TNFAIP8L1: variants seen among roughly 807,000 people sequenced by gnomAD.
The protein encoded by TNFAIP8L1 is TNF alpha induced protein 8 like 1.
For synonymous variants in TNFAIP8L1, 127 were observed against 125.6 expected, an observed-to-expected ratio of 1.01 and a Z score of -0.08; for missense variants, 225 against 266.1, an observed-to-expected ratio of 0.85 and a Z score of 1.08.
intron 1 of TNFAIP8L1, among the ~76,000 whole-genome samples, chr19:4,651,188 G>A (rs980245711): frequency 2.6e-5 from 4 of 151,676 alleles, no homozygotes; most frequent in Admixed American, 1.3e-4. Context: ...GGATGGAACG[G>A]AACCCCCTGT....
chr19:4,650,158 G>A (rs1355743299), intron 1 of TNFAIP8L1, among the ~76,000 whole-genome samples: 2 of 152,212 alleles, frequency 1.3e-5, no homozygotes, highest in Admixed American at 1.3e-4. Context: ...TGTGGCCTGG[G>A]GTGAGGCAGA....
intron 1 of TNFAIP8L1, among the ~76,000 whole-genome samples, chr19:4,643,005 A>T (rs1482598443): frequency 6.6e-6 from 1 of 151,972 alleles, no homozygotes. Flanking sequence ...GCGTTAGGCC[A>T]GGCAGGGTGG....
rs554697242 is a variant in TNFAIP8L1, at chr19:4,652,310, C to T, written c.441C>T (p.Phe147=). Residue 147 remains phenylalanine (F), a synonymous_variant, in exon 2 of 2, where the codon TTC becomes TTT. Coordinates refer to ENST00000327473, the MANE Select transcript of TNFAIP8L1 (RefSeq NM_152362.3). ...CCCACGGCCGCATCAACCACGTGTT[C>T]GGCCACCTAGCCGACTGCGACTTCC... ...AKSHGRINHV[F]GHLADCDFLA... is the part of the protein sequence containing the mutation. 85 of 1,560,848 alleles carry T rather than the reference C, an allele frequency of 5.4e-5. No individual in the cohort carries two copies. The East Asian group carries it at 1.6e-3, about 29-fold the overall frequency.
rs914455511 is a variant in TNFAIP8L1 at position 4,652,595 on chromosome 19, T to C, written c.*165T>C. 4 of 665,526 alleles carry C rather than the reference T, an allele frequency of 6.0e-6. No individual in the cohort carries two copies. Among genetic ancestry groups the C allele is most frequent in the Non-Finnish European group, 9.7e-6 (4 of 411,002 alleles). The allele number at this position is 665,526 out of a possible 1,614,324, so 41.2% of individuals were successfully genotyped here. A position where few individuals can be genotyped will look rare whatever the true frequency, so the allele number is the denominator to read the frequency against. ...TCTCCTTTGAGAGGATGCTGAGGCATCTGTAGCAGCTGTTTCAAACACCAA... is the reference window on the plus strand; with the variant it reads ...TCTCCTTTGAGAGGATGCTGAGGCACCTGTAGCAGCTGTTTCAAACACCAA... On this transcript the variant is annotated 3_prime_UTR_variant, in exon 2 of 2. Coordinates refer to ENST00000327473, the MANE Select transcript of TNFAIP8L1 (RefSeq NM_152362.3).
chr19:4,651,292 G>A (rs2088362138), intron 1 of TNFAIP8L1, among the ~76,000 whole-genome samples: 1 of 151,898 alleles, frequency 6.6e-6, no homozygotes, highest in African/African-American at 2.4e-5. Context: ...GTTCAGAAGG[G>A]CCTTCTCTGT....
In TNFAIP8L1 at chr19:4,645,496, C is replaced by T. The variant is rs1446806090; in HGVS notation, c.-4+5867C>T. Among the ~76,000 whole-genome samples the T allele has an allele frequency of 2.0e-5, 3 of 152,190 alleles. No individual in the cohort carries two copies. Among genetic ancestry groups the T allele is most frequent in the East Asian group, 3.9e-4 (2 of 5,168 alleles). On this transcript the variant is annotated intron_variant, in intron 1 of 1. Transcript: ENST00000327473. The surrounding 1 kb of genome is among the most constrained non-coding windows in gnomAD (Gnocchi z 4.1). ...GAGGCTGAGGCTGAGGCAGGAGAAT[C>T]GCTTGAATCCGGGAGGCAGAGGTTG...
Position 4,643,704 on chromosome 19 carries a change from G to A in TNFAIP8L1, c.-4+4075G>A, listed in dbSNP as rs1285608818. On this transcript the variant is annotated intron_variant, in intron 1 of 1. Transcript: ENST00000327473. ...TGTAATCCTAGCATTCTGGGAGGCCGAAGCAGGAGGATCGCTTGAGCCCAG... is the reference window on the plus strand; with the variant it reads ...TGTAATCCTAGCATTCTGGGAGGCCAAAGCAGGAGGATCGCTTGAGCCCAG... Among the ~76,000 whole-genome samples the A allele has an allele frequency of 3.9e-5, 6 of 152,174 alleles. No individual in the cohort carries two copies. In the East Asian group the frequency reaches 5.8e-4, roughly 15 times the overall value.
chr19:4,646,149 G>T (rs989593084), intron 1 of TNFAIP8L1, among the ~76,000 whole-genome samples: 1 of 152,056 alleles, frequency 6.6e-6, no homozygotes, highest in Non-Finnish European at 1.5e-5. Flanking sequence ...TCCAGCAGGG[G>T]AACAGTTTTT....
At chr19:4,647,968 A>ATT (rs2088328001) in intron 1 of TNFAIP8L1, among the ~76,000 whole-genome samples, 1 of 152,066 alleles carries the variant, frequency 6.6e-6, no homozygotes, top group African/African-American at 2.4e-5. Flanking sequence ...GGGTCTAGAA[A>ATT]GCCAGGGCCT....
intron 1 of TNFAIP8L1, chr19:4,640,816 C>G (rs1180812752): frequency 6.6e-6 from 1 of 152,416 alleles, no homozygotes; most frequent in Non-Finnish European, 1.5e-5. Flanking sequence ...TGAAACATAA[C>G]AAGCTCCCTG....
chr19:4,652,229 G>T lies in TNFAIP8L1; in HGVS notation c.360G>T (p.Leu120=). 1.3e-6 allele frequency: 2 copies of T among 1,547,988 alleles called. No individual in the cohort carries two copies. The highest frequency in any genetic ancestry group is 8.7e-7 in the Non-Finnish European group (1 of 1,149,718). The change falls in exon 2 of 2, where the codon CTG becomes CTT. Residue 120 remains leucine, a synonymous_variant. Coordinates refer to ENST00000327473, the MANE Select transcript of TNFAIP8L1 (RefSeq NM_152362.3). ...TFDRRVLAAG[L]LECRDLLHQA... is the part of the protein sequence containing the mutation. ...ACCGGCGCGTGCTGGCCGCCGGGCT[G>T]CTCGAGTGCCGCGACCTGCTGCACC...
chr19:4,650,635 G>A (rs1233175139), intron 1 of TNFAIP8L1, among the ~76,000 whole-genome samples: 4 of 151,992 alleles, frequency 2.6e-5, no homozygotes, highest in East Asian at 1.9e-4. Context: ...CTTATGCCTC[G>A]AGAGCTGGCC....
In TNFAIP8L1 at chr19:4,641,928, C is replaced by T. The variant is rs770731287; in HGVS notation, c.-4+2299C>T. 6.6e-6 allele frequency: 1 copy of T among 152,230 alleles called. No homozygotes were observed. Among genetic ancestry groups the T allele is most frequent in the Non-Finnish European group, 1.5e-5 (1 of 68,058 alleles). The allele number at this position is 152,230 out of a possible 1,614,324, so 9.4% of individuals were successfully genotyped here. A position where few individuals can be genotyped will look rare whatever the true frequency, so the allele number is the denominator to read the frequency against. ...GGCAAGCTCCTGACCCTCTGTGACTCAGTTTCCTTATAACCAAAAACTTGC... is the reference window on the plus strand; with the variant it reads ...GGCAAGCTCCTGACCCTCTGTGACTTAGTTTCCTTATAACCAAAAACTTGC... On this transcript the variant is annotated intron_variant, in intron 1 of 1. Coordinates refer to ENST00000327473, the MANE Select transcript of TNFAIP8L1 (RefSeq NM_152362.3). The surrounding 1 kb of genome is among the most constrained non-coding windows in gnomAD (Gnocchi z 4.6).
In TNFAIP8L1 at chr19:4,652,203, G is replaced by C. The variant is rs1414055022; in HGVS notation, c.334G>C (p.Asp112His). ...VSFHQVDFTF[D>H]RRVLAAGLLE... ...CTTCCACCAGGTGGACTTCACCTTC[G>C]ACCGGCGCGTGCTGGCCGCCGGGCT... The change falls in exon 2 of 2, where the codon GAC becomes CAC. Residue 112 changes from aspartate (D) to histidine (H), a missense_variant. Transcript: ENST00000327473. 9.1e-6 allele frequency: 14 copies of C among 1,544,160 alleles called. No homozygotes were observed. Among genetic ancestry groups the C allele is most frequent in the Non-Finnish European group, 1.0e-5 (12 of 1,146,826 alleles).
At chr19:4,648,598 C>T (rs1481402551) in intron 1 of TNFAIP8L1, among the ~76,000 whole-genome samples, 1 of 152,218 alleles carries the variant, frequency 6.6e-6, no homozygotes, top group East Asian at 1.9e-4. Flanking sequence ...GTTGGCCTTG[C>T]AGGGGGCGGG....
intron 1 of TNFAIP8L1, among the ~76,000 whole-genome samples, chr19:4,650,963 G>A (rs1431094428): frequency 2.6e-5 from 4 of 152,038 alleles, no homozygotes; most frequent in South Asian, 2.1e-4. Context: ...CAGCCTGGGC[G>A]ACAGAGGGAG....
intron 1 of TNFAIP8L1, among the ~76,000 whole-genome samples, chr19:4,650,227 G>A (rs773253153): frequency 2.0e-5 from 3 of 152,074 alleles, no homozygotes; most frequent in Non-Finnish European, 4.4e-5. Context: ...GGGAACCTGC[G>A]GCTCAGAGGA....
chr19:4,652,339 C>T lies in TNFAIP8L1; in HGVS notation c.470C>T (p.Ala157Val). 2 of 1,553,218 alleles carry T rather than the reference C, an allele frequency of 1.3e-6. No homozygotes were observed. Among genetic ancestry groups the T allele is most frequent in the Non-Finnish European group, 1.7e-6 (2 of 1,151,022 alleles). Residue 157 changes from alanine (A) to valine (V), a missense_variant, in exon 2 of 2, where the codon GCT becomes GTT. Transcript: ENST00000327473. ...FGHLADCDFL[A>V]ALYGPAEPYR... Reference sequence around the variant, plus strand: ...CACCTAGCCGACTGCGACTTCCTGGCTGCGCTCTACGGCCCCGCCGAGCCC... The same window carrying T: ...CACCTAGCCGACTGCGACTTCCTGGTTGCGCTCTACGGCCCCGCCGAGCCC...
intron 1 of TNFAIP8L1, among the ~76,000 whole-genome samples, chr19:4,649,042 G>T (rs1376368422): frequency 6.7e-6 from 1 of 148,360 alleles, no homozygotes; most frequent in Non-Finnish European, 1.5e-5. Context: ...CGATTCTCCT[G>T]TCTCAGCCCC....
Sources: allele counts gnomAD v4.1 joint callset (sites outside exome capture counted in the v4.1 genomes callset), GRCh38; gene constraint gnomAD v4.1.1; non-coding constraint Gnocchi (gnomAD v3.1); transcripts MANE v1.5; gene names NCBI Gene and HGNC (gene_info 2026-07-23, HGNC 2026-07-21).